Variants in LPCAT4 observed in about 807,000 individuals in gnomAD.
LPCAT4 encodes the protein lysophosphatidylcholine acyltransferase 4.
Under a neutral mutation model 66.5 loss-of-function variants are expected in LPCAT4, and 30 were observed. The observed-to-expected ratio is 0.45, with a 90% CI of 0.34 to 0.61. The LOEUF (loss-of-function observed/expected upper bound fraction) is 0.61, where lower values mean the gene tolerates loss of function less well. LPCAT4 is among the 20% of genes least tolerant of loss of function. The pLI, the probability that LPCAT4 is intolerant of heterozygous loss-of-function variation, is 0.01. For missense variants in LPCAT4, 557 were observed against 656.7 expected, an observed-to-expected ratio of 0.85 and a Z score of 1.66; for synonymous variants, 253 against 262.1, an observed-to-expected ratio of 0.97 and a Z score of 0.34.
At position 34,365,597 on chromosome 15, in the gene LPCAT4, A is replaced by T. The variant is rs966760942; in HGVS notation, c.219T>A (p.Ser73Arg). 6.2e-7 allele frequency: 1 copy of T among 1,614,164 alleles called. No individual in the cohort carries two copies. The highest frequency in any genetic ancestry group is 8.5e-7 in the Non-Finnish European group (1 of 1,180,020). The change falls in exon 2 of 14, where the codon AGT becomes AGA. Residue 73 changes from serine (S) to arginine (R), a missense_variant. This residue lies in a region of LPCAT4 where 65 missense variants were observed against 83.5 expected (regional missense o/e 0.78). Transcript: ENST00000314891. ...PFAWLQVAGL[S>R]EEQLQEPITG... ...TAATTGGCTCCTGAAGCTGCTCCTC[A>T]CTAAGACCGGCCACTTGAAGCCAGG...
Position 34,363,922 on chromosome 15 carries a change from C to T in LPCAT4, c.652+91G>A. The T allele has an allele frequency of 1.4e-6, 2 of 1,417,806 alleles. No individual in the cohort carries two copies. The highest frequency in any genetic ancestry group is 1.2e-5 in the South Asian group (1 of 83,898). The allele number at this position is 1,417,806 out of a possible 1,614,324, so 87.8% of individuals were successfully genotyped here. ...TCTCCCTTCCTCTCCCATCCCTCCCCCTCTTCTACTTCTTGGGTTATTTCA... is the reference window on the plus strand; with the variant it reads ...TCTCCCTTCCTCTCCCATCCCTCCCTCTCTTCTACTTCTTGGGTTATTTCA... On this transcript the variant is annotated intron_variant, in intron 5 of 13. Coordinates refer to ENST00000314891, the MANE Select transcript of LPCAT4 (RefSeq NM_153613.3). This position sits in a 1 kb window ranked among gnomAD's most constrained non-coding sequence, Gnocchi z 4.3.
Position 34,367,179 on chromosome 15 carries a change from C to T in LPCAT4, c.-79G>A. Reference sequence around the variant, plus strand: ...TGCAGAGCAGCTGCTGCTGCAGCAGCGGCGGCGGCGGCGCTCTGGCCCGGG... The same window carrying T: ...TGCAGAGCAGCTGCTGCTGCAGCAGTGGCGGCGGCGGCGCTCTGGCCCGGG... On this transcript the variant is annotated 5_prime_UTR_variant, in exon 1 of 14. Coordinates refer to ENST00000314891, the MANE Select transcript of LPCAT4 (RefSeq NM_153613.3). 3 of 1,222,144 alleles carry T rather than the reference C, an allele frequency of 2.5e-6. No individual in the cohort carries two copies. The highest frequency in any genetic ancestry group is 3.1e-6 in the Non-Finnish European group (3 of 953,244). 75.7% of individuals were successfully genotyped at this position (1,222,144 alleles called of 1,614,324 possible).
intron 11 of LPCAT4, chr15:34,361,072 C>G (rs1890931418): frequency 2.0e-6 from 1 of 502,794 alleles, no homozygotes; most frequent in Non-Finnish European, 2.9e-6. Context: ...ACCTTCATGA[C>G]TCTCCTTCAA....
Position 34,363,372 on chromosome 15 carries a change from T to A in LPCAT4, c.746+50A>T. ...AGATTGGAAGATGGGCCAGGAATTC[T>A]CTGATGGACCCTGCTCCCCACCCTC... On this transcript the variant is annotated intron_variant, in intron 7 of 13. Coordinates refer to ENST00000314891, the MANE Select transcript of LPCAT4 (RefSeq NM_153613.3). The surrounding 1 kb of genome is among the most constrained non-coding windows in gnomAD (Gnocchi z 4.3). 1 of 1,584,186 alleles carries A rather than the reference T, an allele frequency of 6.3e-7. No homozygotes were observed. The highest frequency in any genetic ancestry group is 1.8e-5 in the Admixed American group (1 of 55,506).
chr15:34,363,261 T>C lies in LPCAT4; in HGVS notation c.746+161A>G, dbSNP rs76024218. On this transcript the variant is annotated intron_variant, in intron 7 of 13. Coordinates refer to ENST00000314891, the MANE Select transcript of LPCAT4 (RefSeq NM_153613.3). The surrounding 1 kb of genome is among the most constrained non-coding windows in gnomAD (Gnocchi z 4.3). The stretch of plus-strand genomic sequence containing the variant: ...GATAGCTAATCTAAGCACAGCCAGA[T>C]TATATGGGGACATCAGGGGGAAAGT... Among the ~76,000 whole-genome samples the C allele has an allele frequency of 5.5e-3, 833 of 152,208 alleles. 9 individuals are homozygous for C. The highest frequency in any genetic ancestry group is 0.019 in the African/African-American group (775 of 41,512).
chr15:34,367,087 C>A lies in LPCAT4; in HGVS notation c.14G>T (p.Ser5Ile). The A allele has an allele frequency of 6.5e-7, 1 of 1,549,776 alleles. No homozygotes were observed. The highest frequency in any genetic ancestry group is 1.2e-5 in the South Asian group (1 of 84,318). Reference protein sequence around the residue: MSQGSPGDWAPLDPT... With the variant: MSQGIPGDWAPLDPT... ...ATCTAGGGGGGCCCAGTCCCCCGGA[C>A]TTCCCTGGCTCATGGCGGGAGAAGG... Residue 5 changes from serine (S) to isoleucine (I), a missense_variant, in exon 1 of 14, where the codon AGT becomes ATT. Physicochemically the swap from Ser to Ile is moderately radical, Grantham distance 142 (BLOSUM62 -2). Transcript: ENST00000314891.
chr15:34,362,875 C>T (rs774806780), intron 7 of LPCAT4, 39 bp from the exon 8 acceptor site: 1 of 1,604,640 alleles, frequency 6.2e-7, no homozygotes, highest in Middle Eastern at 1.7e-4. Context: ...CAATCTCTAA[C>T]TATGGGCTCC....
At position 34,366,973 on chromosome 15, in the gene LPCAT4, TC is replaced by T; in HGVS notation, c.114+13del. 2 of 1,506,884 alleles carry T rather than the reference TC, an allele frequency of 1.3e-6. No individual in the cohort carries two copies. The highest frequency in any genetic ancestry group is 1.8e-6 in the Non-Finnish European group (2 of 1,118,670). 93.3% of individuals were successfully genotyped at this position (1,506,884 alleles called of 1,614,324 possible). ...CCTCACGGGTCCTTCCGACGCCCGCTCCCCACACATTACCTTAACCCTCTGG... is the reference window on the plus strand; with the variant it reads ...CCTCACGGGTCCTTCCGACGCCCGCTCCCACACATTACCTTAACCCTCTGG... On this transcript the variant is annotated intron_variant, in intron 1 of 13. Coordinates refer to ENST00000314891, the MANE Select transcript of LPCAT4 (RefSeq NM_153613.3).
chr15:34,362,556 G>A lies in LPCAT4; in HGVS notation c.884+17C>T, dbSNP rs1311132738. ...CCCTGTGCAACTGCTCCAGGAAATA[G>A]TTTGTGGGGCACTCACTGTGCCATG... is the stretch of plus-strand genomic sequence containing the variant. On this transcript the variant is annotated intron_variant, in intron 9 of 13. Coordinates refer to ENST00000314891, the MANE Select transcript of LPCAT4 (RefSeq NM_153613.3). The A allele has an allele frequency of 5.2e-6, 8 of 1,535,962 alleles. No individual in the cohort carries two copies. The South Asian group carries it at 1.0e-4, about 20-fold the overall frequency.
In LPCAT4 at chr15:34,359,230, T is replaced by C. The variant is rs1258378170; in HGVS notation, c.1472A>G (p.His491Arg). ...KLFSTYLRPP[H>R]TSRGTSQTPN... ...TGTCTGGGAGGTGCCTCGAGAGGTGTGTGGGGGGCGCAGGTAGGTGCTGAA... is the reference window on the plus strand; with the variant it reads ...TGTCTGGGAGGTGCCTCGAGAGGTGCGTGGGGGGCGCAGGTAGGTGCTGAA... Residue 491 changes from histidine (H) to arginine (R), a missense_variant, in exon 14 of 14, where the codon CAC becomes CGC. Transcript: ENST00000314891. 1.3e-6 allele frequency: 2 copies of C among 1,581,512 alleles called. No individual in the cohort carries two copies.
chr15:34,359,831 C>T (rs1332997784), intron 12 of LPCAT4, 86 bp from the exon 13 acceptor site: 1 of 1,412,212 alleles, frequency 7.1e-7, no homozygotes, highest in Non-Finnish European at 9.6e-7. Flanking sequence ...CAGGCTCCTC[C>T]TCTTCCAAAA....
At position 34,362,770 on chromosome 15, in the gene LPCAT4, C is replaced by T. The variant is rs748595332; in HGVS notation, c.801+12G>A. 18 of 1,613,888 alleles carry T rather than the reference C, an allele frequency of 1.1e-5. No individual in the cohort carries two copies. Among genetic ancestry groups the T allele is most frequent in the South Asian group, 7.7e-5 (7 of 91,086 alleles). Reference sequence around the variant, plus strand: ...AGATGTACTTCTCCCACCGCCCCCACGGGAGCCATACCTCCACATCCACAA... The same window carrying T: ...AGATGTACTTCTCCCACCGCCCCCATGGGAGCCATACCTCCACATCCACAA... On this transcript the variant is annotated intron_variant, in intron 8 of 13. Coordinates refer to ENST00000314891, the MANE Select transcript of LPCAT4 (RefSeq NM_153613.3).
At chr15:34,359,980 A>G in intron 12 of LPCAT4, 131 bp downstream of exon 12, 1 of 850,870 alleles carries the variant, frequency 1.2e-6, no homozygotes, top group Non-Finnish European at 1.9e-6. Context: ...AGTTTTAGGC[A>G]CTGTGGCACT....
Position 34,367,039 on chromosome 15 carries a change from GATGCT to G in LPCAT4, c.57_61del (p.Ala20ProfsTer7). The G allele has an allele frequency of 1.0e-6, 1 of 955,898 alleles. No homozygotes were observed. Among genetic ancestry groups the G allele is most frequent in the Non-Finnish European group, 1.6e-6 (1 of 609,324 alleles). The allele number at this position is 955,898 out of a possible 1,614,324, so 59.2% of individuals were successfully genotyped here. On this transcript the variant is annotated frameshift_variant, in exon 1 of 14. Transcript: ENST00000314891. LOFTEE classifies it high-confidence loss of function. ...TAACTCATGCACGAAGGGGTTGGGG[GATGCT>G]GGGGGTCCGGGGGTGGGATCTAGGG...
rs757901976 is a variant in LPCAT4, at chr15:34,362,243, C to G, written c.963G>C (p.Ala321=). The G allele has an allele frequency of 6.2e-7, 1 of 1,614,054 alleles. No homozygotes were observed. The highest frequency in any genetic ancestry group is 1.7e-5 in the Admixed American group (1 of 60,008). ...PVIVVGRLKV[A]LEPQLWELGK... is the part of the protein sequence containing the mutation. ...CCAGTTCCCAGAGCTGTGGTTCCAA[C>G]GCCACCTTCAGCCGGCCCACCACAA... The change falls in exon 10 of 14, where the codon GCG becomes GCC. Residue 321 remains alanine (A), a synonymous_variant. Coordinates refer to ENST00000314891, the MANE Select transcript of LPCAT4 (RefSeq NM_153613.3).
intron 10 of LPCAT4, 138 bp from the exon 11 acceptor site, chr15:34,361,670 G>T: frequency 1.0e-6 from 1 of 979,608 alleles, no homozygotes; most frequent in Non-Finnish European, 1.5e-6. Context: ...CTGACTCACA[G>T]TCCCTTGAGA....
In LPCAT4 at chr15:34,358,917, A is replaced by AT. The variant is rs573799747; in HGVS notation, c.*209dup. 1.1e-4 allele frequency: 24 copies of AT among 217,898 alleles called. No individual in the cohort carries two copies. The highest frequency in any genetic ancestry group is 1.7e-4 in the Admixed American group (3 of 17,632). The allele number at this position is 217,898 out of a possible 1,614,324, so 13.5% of individuals were successfully genotyped here. A position where few individuals can be genotyped will look rare whatever the true frequency, so the allele number is the denominator to read the frequency against. The stretch of plus-strand genomic sequence containing the variant: ...GGTAACATCAATATGACTGGACTTC[A>AT]TTTTTTTTAATAGATATAGATATAG... On this transcript the variant is annotated 3_prime_UTR_variant, in exon 14 of 14. Coordinates refer to ENST00000314891, the MANE Select transcript of LPCAT4 (RefSeq NM_153613.3).
chr15:34,362,432 C>T (rs1890969012), intron 9 of LPCAT4, 111 bp from the exon 10 acceptor site: 1 of 1,465,984 alleles, frequency 6.8e-7, no homozygotes, highest in Non-Finnish European at 9.4e-7. Context: ...CTTTAAATCT[C>T]CCTGCCTCTG....
chr15:34,365,468 C>G, intron 2 of LPCAT4, 91 bp downstream of exon 2: 1 of 1,556,682 alleles, frequency 6.4e-7, no homozygotes, highest in Non-Finnish European at 8.8e-7. Flanking sequence ...AGAATAGTTT[C>G]AGAATGCTCT....
Sources: allele counts gnomAD v4.1 joint callset (sites outside exome capture counted in the v4.1 genomes callset), GRCh38; gene constraint gnomAD v4.1.1; regional missense constraint gnomAD v4.1.1; non-coding constraint Gnocchi (gnomAD v3.1); transcripts MANE v1.5; gene names NCBI Gene and HGNC (gene_info 2026-07-23, HGNC 2026-07-21).